Variants in KLHDC2 observed in about 807,000 individuals in gnomAD.
The protein encoded by KLHDC2 is kelch domain containing 2.
KLHDC2 carries 38 observed loss-of-function variants against 62.3 expected under a neutral mutation model. The ratio of observed to expected loss-of-function variants is 0.61; its 90% CI spans 0.47 to 0.80. KLHDC2 has a LOEUF of 0.80. KLHDC2 is among the 30% of genes least tolerant of loss of function. The pLI, the probability that KLHDC2 is intolerant of heterozygous loss-of-function variation, is 0.00. For missense variants in KLHDC2, 430 were observed against 495.3 expected, an observed-to-expected ratio of 0.87 and a Z score of 1.25; for synonymous variants, 159 against 161.0, an observed-to-expected ratio of 0.99 and a Z score of 0.09.
At chr14:49,779,223 T>C (rs1237979346) in intron 6 of KLHDC2, among the ~76,000 whole-genome samples, 1 of 152,240 alleles carries the variant, frequency 6.6e-6, no homozygotes, top group African/African-American at 2.4e-5. Flanking sequence ...CAAACTGTAA[T>C]TAAATAACTC....
In KLHDC2 at chr14:49,768,496, G is replaced by A. The variant is rs1328272560; in HGVS notation, c.28G>A (p.Ala10Thr). Residue 10 changes from alanine to threonine, a missense_variant, in exon 1 of 13, where the codon GCT (alanine) becomes ACT (threonine). Ala to Thr is a moderately conservative substitution (Grantham distance 58, BLOSUM62 0). Transcript: ENST00000298307. The stretch of plus-strand genomic sequence containing the variant: ...GGCTGATGGCAACGAGGATCTGCGG[G>A]CTGACGACTTGCCTGGGCCAGCCTT... The part of the protein sequence containing the change: MADGNEDLR[A>T]DDLPGPAFES... The A allele has an allele frequency of 1.2e-6, 2 of 1,610,078 alleles. No homozygotes were observed. Among genetic ancestry groups the A allele is most frequent in the Non-Finnish European group, 1.7e-6 (2 of 1,178,626 alleles).
rs1222154211 is a variant in KLHDC2 at position 49,785,070 on chromosome 14, T to C, written c.*2117T>C. On this transcript the variant is annotated 3_prime_UTR_variant, in exon 13 of 13. Transcript: ENST00000298307. ...TCACTGAACTGTTTAAAATCATAAT[T>C]CAAAAAAACAAATTTAAATACCTTT... The C allele has an allele frequency of 6.2e-7, 1 of 1,607,742 alleles. No homozygotes were observed. The highest frequency in any genetic ancestry group is 8.5e-7 in the Non-Finnish European group (1 of 1,174,642).
chr14:49,768,437 G>T lies in KLHDC2; in HGVS notation c.-32G>T, dbSNP rs1337582583. The T allele has an allele frequency of 6.2e-7, 1 of 1,602,562 alleles. No homozygotes were observed. The highest frequency in any genetic ancestry group is 1.1e-5 in the South Asian group (1 of 89,340). On this transcript the variant is annotated 5_prime_UTR_variant, in exon 1 of 13. Transcript: ENST00000298307. ...TTTTTTTGGCCCCTCGCGGGTGTGG[G>T]CATTGTTGGTTAGCAAAAGTGCAGC...
chr14:49,779,348 TTTA>T (rs1482405707), intron 6 of KLHDC2, among the ~76,000 whole-genome samples: 1 of 152,212 alleles, frequency 6.6e-6, no homozygotes, highest in Non-Finnish European at 1.5e-5. Context: ...CAGCCTTTAT[TTTA>T]AAAGAGAAAA....
chr14:49,776,404 G>T lies in KLHDC2; in HGVS notation c.352-1435G>T, dbSNP rs1252241827. On this transcript the variant is annotated intron_variant, in intron 3 of 12. Coordinates refer to ENST00000298307, the MANE Select transcript of KLHDC2 (RefSeq NM_014315.3). ...AGAAGTAAAAAATATATAGTGGTCA[G>T]ATATATTCAGTTGCCTGGATGTGAA... is the stretch of plus-strand genomic sequence containing the variant. Among the ~76,000 whole-genome samples the T allele has an allele frequency of 2.6e-5, 4 of 152,274 alleles. No individual in the cohort carries two copies. In the East Asian group the frequency reaches 7.7e-4, roughly 29 times the overall value.
At position 49,783,970 on chromosome 14, in the gene KLHDC2, TAGATGTTA is replaced by T. The variant is rs1188237958; in HGVS notation, c.*1018_*1025del. 6.6e-6 allele frequency: 1 copy of T among 152,108 alleles called. No homozygotes were observed. Among genetic ancestry groups the T allele is most frequent in the Admixed American group, 6.6e-5 (1 of 15,266 alleles). The allele number at this position is 152,108 out of a possible 1,614,324, so 9.4% of individuals were successfully genotyped here. ...TAGCTGGCCTATAATATATATATATTAGATGTTATATACAGTAGACTTACCAAGTCAAT... is the reference window on the plus strand; with the variant it reads ...TAGCTGGCCTATAATATATATATATTTATACAGTAGACTTACCAAGTCAAT... On this transcript the variant is annotated 3_prime_UTR_variant, in exon 13 of 13. Transcript: ENST00000298307.
intron 12 of KLHDC2, 101 bp downstream of exon 12, chr14:49,782,695 A>C: frequency 7.3e-7 from 1 of 1,366,592 alleles, no homozygotes; most frequent in Admixed American, 2.2e-5. Context: ...AAGGGCAATA[A>C]AACTTCATTG....
Position 49,769,708 on chromosome 14 carries a change from A to G in KLHDC2, c.153+1087A>G, listed in dbSNP as rs559969903. ...TCCTAGCACTTTGGGAGGCCAAGGT[A>G]GGTGGATCAGCTGAAGTCAGGAGCT... is the stretch of plus-strand genomic sequence containing the variant. On this transcript the variant is annotated intron_variant, in intron 1 of 12. Transcript: ENST00000298307. Among the ~76,000 whole-genome samples, 540 of 152,144 alleles carry G rather than the reference A, an allele frequency of 3.5e-3. 3 individuals are homozygous for G. The highest frequency in any genetic ancestry group is 0.012 in the African/African-American group (514 of 41,508).
chr14:49,785,430 C>T lies in KLHDC2; in HGVS notation c.*2477C>T, dbSNP rs112848710. ...ATATTTTTTATCTTTTCCTGATATA[C>T]ATACCATCTAAGCTGGAACAGTGGT... On this transcript the variant is annotated 3_prime_UTR_variant, in exon 13 of 13. Coordinates refer to ENST00000298307, the MANE Select transcript of KLHDC2 (RefSeq NM_014315.3). 4.0e-4 allele frequency: 290 copies of T among 730,602 alleles called. No homozygotes were observed. In the African/African-American group the frequency reaches 4.0e-3, roughly 10 times the overall value. 45.3% of individuals were successfully genotyped at this position (730,602 alleles called of 1,614,324 possible).
intron 8 of KLHDC2, 183 bp downstream of exon 8, chr14:49,779,989 T>A: frequency 1.6e-6 from 1 of 621,030 alleles, no homozygotes; most frequent in Non-Finnish European, 2.8e-6. Flanking sequence ...ACTATGTGCC[T>A]AGTACATAGC....
In KLHDC2 at chr14:49,779,868, C is replaced by T. The variant is rs1469143904; in HGVS notation, c.773+62C>T. ...GATTGTTTTTACCCTATATTCCCTA[C>T]TATTGGTATATAATGTCCTTGCTTA... On this transcript the variant is annotated intron_variant, in intron 8 of 12. Transcript: ENST00000298307. 3 of 1,146,138 alleles carry T rather than the reference C, an allele frequency of 2.6e-6. No individual in the cohort carries two copies. The East Asian group carries it at 7.1e-5, about 27-fold the overall frequency. The allele number at this position is 1,146,138 out of a possible 1,614,324, so 71.0% of individuals were successfully genotyped here.
rs1889880246 is a variant in KLHDC2 at position 49,780,794 on chromosome 14, T to C, written c.956+19T>C. ...AACCAAGGTATTTAAAAGCAATTCATATACTGAATATGCATAAGACATAAG... is the reference window on the plus strand; with the variant it reads ...AACCAAGGTATTTAAAAGCAATTCACATACTGAATATGCATAAGACATAAG... On this transcript the variant is annotated intron_variant, in intron 10 of 12. Transcript: ENST00000298307. 3 of 1,207,018 alleles carry C rather than the reference T, an allele frequency of 2.5e-6. No individual in the cohort carries two copies. In the African/African-American group the frequency reaches 4.5e-5, roughly 18 times the overall value. 74.8% of individuals were successfully genotyped at this position (1,207,018 alleles called of 1,614,324 possible).
In KLHDC2 at chr14:49,768,551, G is replaced by A; in HGVS notation, c.83G>A (p.Cys28Tyr). The A allele has an allele frequency of 1.9e-6, 3 of 1,608,604 alleles. No individual in the cohort carries two copies. Among genetic ancestry groups the A allele is most frequent in the South Asian group, 2.2e-5 (2 of 90,036 alleles). Residue 28 changes from cysteine to tyrosine, a missense_variant, in exon 1 of 13, where the codon TGC becomes TAC. Transcript: ENST00000298307. ...AGCTATGAGTCCATGGAGCTTGCCT[G>A]CCCCGCTGAGCGCAGCGGCCACGTA... Reference protein sequence around the residue: ...FESYESMELACPAERSGHVAV... With the variant: ...FESYESMELAYPAERSGHVAV...
intron 2 of KLHDC2, among the ~76,000 whole-genome samples, chr14:49,773,700 C>T (rs1889712754): frequency 6.6e-6 from 1 of 150,892 alleles, no homozygotes; most frequent in African/African-American, 2.4e-5. Context: ...CCTCAGCCCC[C>T]TGAGTAGCTG....
At position 49,784,672 on chromosome 14, in the gene KLHDC2, C is replaced by A. The variant is rs757298499; in HGVS notation, c.*1719C>A. 1.9e-6 allele frequency: 3 copies of A among 1,612,384 alleles called. No individual in the cohort carries two copies. The South Asian group carries it at 3.3e-5, about 18-fold the overall frequency. ...TTACGTTCAGAAGATTGGGTGCAGACACTTTCACTTTGCCAGGAATGTTTC... is the reference window on the plus strand; with the variant it reads ...TTACGTTCAGAAGATTGGGTGCAGAAACTTTCACTTTGCCAGGAATGTTTC... On this transcript the variant is annotated 3_prime_UTR_variant, in exon 13 of 13. Coordinates refer to ENST00000298307, the MANE Select transcript of KLHDC2 (RefSeq NM_014315.3).
At chr14:49,782,503 C>G in intron 11 of KLHDC2, 39 bp from the exon 12 acceptor site, 2 of 1,596,030 alleles carry the variant, frequency 1.3e-6, no homozygotes, top group Non-Finnish European at 1.7e-6. Context: ...ACTTGCAAAG[C>G]ATTTGCTTTT....
chr14:49,779,690 G>A lies in KLHDC2; in HGVS notation c.714+15G>A, dbSNP rs757247151. On this transcript the variant is annotated intron_variant, in intron 7 of 12. Transcript: ENST00000298307. ...GCAGATATCGAGTAAGTATTCAAACGACTTCAATGACTTGCTTTTGAATTC... is the reference window on the plus strand; with the variant it reads ...GCAGATATCGAGTAAGTATTCAAACAACTTCAATGACTTGCTTTTGAATTC... 13 of 1,611,828 alleles carry A rather than the reference G, an allele frequency of 8.1e-6. No individual in the cohort carries two copies. In the Admixed American group the frequency reaches 8.3e-5, roughly 10 times the overall value.
rs919559879 is a variant in KLHDC2, at chr14:49,783,699, G to C, written c.*746G>C. ...TTAAGATACTCTAACGTGCTATATT[G>C]GTAATTAATTACTAAAGGTGGAAAT... On this transcript the variant is annotated 3_prime_UTR_variant, in exon 13 of 13. Coordinates refer to ENST00000298307, the MANE Select transcript of KLHDC2 (RefSeq NM_014315.3). The C allele has an allele frequency of 1.3e-4, 20 of 152,006 alleles. No homozygotes were observed. The highest frequency in any genetic ancestry group is 4.3e-4 in the African/African-American group (18 of 41,446). 9.4% of individuals were successfully genotyped at this position (152,006 alleles called of 1,614,324 possible).
chr14:49,775,645 G>T (rs2139794846), intron 3 of KLHDC2, among the ~76,000 whole-genome samples: 1 of 130,086 alleles, frequency 7.7e-6, no homozygotes. Flanking sequence ...TTTTCGGATG[G>T]GGACAGAGTC....
Sources: gnomAD v4.1 joint callset for allele counts (sites outside exome capture counted in the v4.1 genomes callset) on GRCh38, gnomAD v4.1.1 for gene constraint, MANE v1.5 for transcripts, NCBI Gene and HGNC (gene_info 2026-07-23, HGNC 2026-07-21) for gene names.